ADGRL2: variants seen among roughly 807,000 people sequenced by gnomAD.
ADGRL2 encodes adhesion G protein-coupled receptor L2, also known as calcium-independent alpha-latrotoxin receptor 2.
In ADGRL2, 44 loss-of-function variants were observed where a neutral mutation model predicts 157.4. The observed-to-expected ratio is 0.28, with a 90% CI of 0.22 to 0.36. The LOEUF (loss-of-function observed/expected upper bound fraction) is 0.36. ADGRL2 is among the 10% of genes least tolerant of loss of function. The probability of loss-of-function intolerance (pLI) is 1.00; values close to 1 mark genes in which losing one functional copy is unlikely to be tolerated. For synonymous variants in ADGRL2, 585 were observed against 624.7 expected, an observed-to-expected ratio of 0.94 and a Z score of 0.95; for missense variants, 1,510 against 1,768.9, an observed-to-expected ratio of 0.85 and a Z score of 2.63.
At position 81,826,012 on chromosome 1, in the gene ADGRL2, A is replaced by AGTGAATGT. The variant is rs530463354; in HGVS notation, c.-100-10870_-100-10863dup. Among the ~76,000 whole-genome samples, 23 of 152,326 alleles carry AGTGAATGT rather than the reference A, an allele frequency of 1.5e-4. No individual in the cohort carries two copies. In the East Asian group the frequency reaches 4.2e-3, roughly 28 times the overall value. On this transcript the variant is annotated intron_variant, in intron 1 of 23. Coordinates refer to ENST00000686636, the MANE Select transcript of ADGRL2 (RefSeq NM_001366006.2). The stretch of plus-strand genomic sequence containing the variant: ...ATTTCAGGGTAAGAATCAATAGAAC[A>AGTGAATGT]GTGAATGTGTACCTCTTTAAAATGA...
At chr1:81,514,701 C>G (rs2079142412) in intron 2 of ADGRL2, 1 of 152,130 alleles carries the variant, frequency 6.6e-6, no homozygotes, top group African/African-American at 2.4e-5. Flanking sequence ...TCTTATTTGC[C>G]TTTAACTCAA....
intron 1 of ADGRL2, among the ~76,000 whole-genome samples, chr1:81,382,341 G>A (rs1371186973): frequency 2.0e-5 from 3 of 151,980 alleles, no homozygotes; most frequent in Non-Finnish European, 4.4e-5. Flanking sequence ...TTATTATTGA[G>A]ACTACTATTG....
intron 2 of ADGRL2, among the ~76,000 whole-genome samples, chr1:81,868,060 G>GT (rs1553173773): frequency 2.7e-4 from 39 of 145,560 alleles, no homozygotes; most frequent in Admixed American, 1.7e-3. Flanking sequence ...GTGTGTGTGT[G>GT]GTGTGTGTGT....
chr1:81,803,307 G>T (rs1228033093), intron 1 of ADGRL2, among the ~76,000 whole-genome samples: 1 of 152,102 alleles, frequency 6.6e-6, no homozygotes, highest in Non-Finnish European at 1.5e-5. Context: ...GTGGAGGTGC[G>T]CCTGCGAGAC....
intron 1 of ADGRL2, among the ~76,000 whole-genome samples, chr1:81,411,210 G>A (rs892409796): frequency 3.3e-5 from 5 of 152,210 alleles, no homozygotes; most frequent in Non-Finnish European, 7.3e-5. Context: ...ATAACATTCA[G>A]GAGTGTTTTC....
intron 1 of ADGRL2, among the ~76,000 whole-genome samples, chr1:81,755,989 G>A (rs146020041): frequency 3.6e-4 from 55 of 152,138 alleles, no homozygotes; most frequent in African/African-American, 1.3e-3. Flanking sequence ...AGGTCCCCAG[G>A]TATGCACATT....
chr1:81,394,483 T>G (rs1039781803), intron 1 of ADGRL2, among the ~76,000 whole-genome samples: 12 of 152,212 alleles, frequency 7.9e-5, no homozygotes, highest in African/African-American at 2.7e-4. Context: ...TGTGACTGGC[T>G]TATTTGATTT....
chr1:81,772,398 G>C (rs909151270), intron 2 of ADGRL2, among the ~76,000 whole-genome samples: 3 of 151,724 alleles, frequency 2.0e-5, no homozygotes, highest in African/African-American at 7.3e-5. Flanking sequence ...TTCTAATTAT[G>C]ACATTTATGT....
intron 1 of ADGRL2, among the ~76,000 whole-genome samples, chr1:81,390,015 G>T (rs1354135389): frequency 1.3e-5 from 2 of 152,026 alleles, no homozygotes; most frequent in African/African-American, 2.4e-5. Flanking sequence ...TGAGGTAATG[G>T]TCTTAAATGT....
chr1:81,306,209 T>C (rs915286101), exon 1 of ADGRL2: 1 of 152,222 alleles, frequency 6.6e-6, no homozygotes, highest in African/African-American at 2.4e-5. Context: ...ATTCATGCAC[T>C]CTTCCATCTT....
intron 1 of ADGRL2, among the ~76,000 whole-genome samples, chr1:81,813,512 T>G (rs2090082745): frequency 6.6e-6 from 1 of 151,608 alleles, no homozygotes; most frequent in South Asian, 2.1e-4. Flanking sequence ...ATAAGTAGTA[T>G]TCTCTCAGCG....
chr1:81,658,041 T>G lies in ADGRL2; in HGVS notation c.-143+77061T>G, dbSNP rs190550191. ...ACTGCCATATAGTTTTACTATATAT[T>G]ATGTAGTCCATTCATTGGTATCTAG... On this transcript the variant is annotated intron_variant, in intron 3 of 24. Transcript: ENST00000370721. 2.5e-3 allele frequency among the ~76,000 whole-genome samples: 387 copies of G among 152,358 alleles called. 1 individual carries two copies. The highest frequency in any genetic ancestry group is 9.0e-3 in the African/African-American group (376 of 41,598).
At chr1:81,342,067 G>C (rs559627308) in intron 1 of ADGRL2, among the ~76,000 whole-genome samples, 30 of 152,178 alleles carry the variant, frequency 2.0e-4, no homozygotes, top group African/African-American at 6.5e-4. Flanking sequence ...CAGATTTCCA[G>C]AACACTGAAC....
intron 2 of ADGRL2, among the ~76,000 whole-genome samples, chr1:81,573,291 A>T (rs746454840): frequency 3.3e-5 from 5 of 152,140 alleles, no homozygotes; most frequent in Non-Finnish European, 7.4e-5. Flanking sequence ...CAGCCAAAAG[A>T]CGAGTAGATG....
chr1:81,459,928 T>C (rs1288442007), intron 2 of ADGRL2, among the ~76,000 whole-genome samples: 1 of 151,944 alleles, frequency 6.6e-6, no homozygotes, highest in African/African-American at 2.4e-5. Flanking sequence ...TCCGTACTGT[T>C]TTCTATAGCA....
At chr1:81,416,323 A>G (rs1224127122) in intron 1 of ADGRL2, among the ~76,000 whole-genome samples, 1 of 151,068 alleles carries the variant, frequency 6.6e-6, no homozygotes, top group Non-Finnish European at 1.5e-5. Context: ...TTGCAAAAAA[A>G]AAAAGAAAAG....
rs1288765815 is a variant in ADGRL2, at chr1:81,481,430, T to C, written c.-248+36341T>C. On this transcript the variant is annotated intron_variant, in intron 2 of 24. Transcript: ENST00000370721. ...GACTGTAGTCATCCATCTGAGGTTGTTTCTCCTGTCCCTTGTAAGATTGCA... is the reference window on the plus strand; with the variant it reads ...GACTGTAGTCATCCATCTGAGGTTGCTTCTCCTGTCCCTTGTAAGATTGCA... 2.0e-5 allele frequency among the ~76,000 whole-genome samples: 3 copies of C among 152,198 alleles called. No individual in the cohort carries two copies. The East Asian group carries it at 5.8e-4, about 29-fold the overall frequency.
At chr1:81,988,566 A>C (rs1157274028) in intron 23 of ADGRL2, 1 of 152,168 alleles carries the variant, frequency 6.6e-6, no homozygotes. Flanking sequence ...ACAAATAACT[A>C]TCACAATTTC....
intron 3 of ADGRL2, among the ~76,000 whole-genome samples, chr1:81,666,126 G>C (rs973451643): frequency 6.6e-6 from 1 of 152,148 alleles, no homozygotes; most frequent in African/African-American, 2.4e-5. Flanking sequence ...TTTTTAAATA[G>C]ACTCTCAAGG....
Sources: gnomAD v4.1 joint callset for allele counts (sites outside exome capture counted in the v4.1 genomes callset) on GRCh38, gnomAD v4.1.1 for gene constraint, MANE v1.5 for transcripts, NCBI Gene and HGNC (gene_info 2026-07-23, HGNC 2026-07-21) for gene names.